The following ENTREP2 variants were observed in gnomAD, a reference collection of about 807,000 sequenced individuals.
The protein encoded by ENTREP2 is endosomal transmembrane epsin interactor 2.
chr15:29,269,220 C>T, the ENTREP2 span: 5 of 1,614,148 alleles, frequency 3.1e-6, no homozygotes, highest in Non-Finnish European at 4.2e-6. Flanking sequence ...CGGCATCCTC[C>T]TCCACAGGCT....
chr15:29,134,360 A>C, the ENTREP2 span, among the ~76,000 whole-genome samples: 1 of 152,100 alleles, frequency 6.6e-6, no homozygotes, highest in African/African-American at 2.4e-5. Flanking sequence ...ACCCACAGTA[A>C]AAAGGGGGTC....
the ENTREP2 span, among the ~76,000 whole-genome samples, chr15:29,627,686 G>C: frequency 6.6e-6 from 1 of 151,650 alleles, no homozygotes; most frequent in Non-Finnish European, 1.5e-5. Context: ...CTATTCTACT[G>C]TCTGTCTATA....
chr15:29,151,836 G>A, the ENTREP2 span: 1 of 1,550,846 alleles, frequency 6.4e-7, no homozygotes, highest in East Asian at 2.4e-5. Flanking sequence ...CGCTGAAGAG[G>A]AGATCCTGCG....
chr15:29,195,358 G>A, the ENTREP2 span: 1 of 981,750 alleles, frequency 1.0e-6, no homozygotes. Flanking sequence ...AAGCACTCAA[G>A]GTCAACGCTT....
chr15:29,528,339 CAA>C, the ENTREP2 span, among the ~76,000 whole-genome samples: 12 of 109,060 alleles, frequency 1.1e-4, no homozygotes, highest in Admixed American at 1.9e-4. Context: ...AAAGGCTGAC[CAA>C]AAAAAAAAAA....
chr15:29,416,660 A>G, the ENTREP2 span, among the ~76,000 whole-genome samples: 1 of 152,096 alleles, frequency 6.6e-6, no homozygotes, highest in South Asian at 2.1e-4. Flanking sequence ...ATCTAATTAA[A>G]CTAAAGAGCT....
chr15:29,296,609 A>ACAT, the ENTREP2 span, among the ~76,000 whole-genome samples: 1 of 152,220 alleles, frequency 6.6e-6, no homozygotes, highest in Non-Finnish European at 1.5e-5. Flanking sequence ...ATTAAACATT[A>ACAT]CATATATTGA....
the ENTREP2 span, among the ~76,000 whole-genome samples, chr15:29,248,173 T>C: frequency 2.0e-5 from 3 of 152,150 alleles, no homozygotes; most frequent in African/African-American, 4.8e-5. Context: ...GGTAAACTAC[T>C]AAACTGTTTA....
the ENTREP2 span, chr15:29,570,558 G>C: frequency 6.8e-7 from 1 of 1,470,310 alleles, no homozygotes; most frequent in Non-Finnish European, 9.0e-7. Context: ...GAGGTGGTGA[G>C]CGCCAGCGCG....
At chr15:29,153,780 A>G in the ENTREP2 span, among the ~76,000 whole-genome samples, 469 of 152,334 alleles carry the variant, frequency 3.1e-3, 1 homozygote, top group African/African-American at 0.011. Flanking sequence ...GAAAGTTTTT[A>G]TAGTTTCATA....
chr15:29,269,003 A>G, the ENTREP2 span: 1 of 1,614,140 alleles, frequency 6.2e-7, no homozygotes, highest in Non-Finnish European at 8.5e-7. Flanking sequence ...ATCCGCCGGT[A>G]TTCCAGGTAA....
At chr15:29,335,799 T>C in the ENTREP2 span, among the ~76,000 whole-genome samples, 1 of 152,212 alleles carries the variant, frequency 6.6e-6, no homozygotes, top group Non-Finnish European at 1.5e-5. Context: ...CTGTTGGTTG[T>C]CTGTACAGAC....
the ENTREP2 span, among the ~76,000 whole-genome samples, chr15:29,176,570 G>A: frequency 1.1e-4 from 16 of 152,178 alleles, no homozygotes. Flanking sequence ...AGGACCCTTT[G>A]CCAGAGAAGC....
At chr15:29,538,822 C>A in the ENTREP2 span, among the ~76,000 whole-genome samples, 10 of 148,432 alleles carry the variant, frequency 6.7e-5, no homozygotes, top group African/African-American at 2.5e-4. Flanking sequence ...AAAAAAAAAT[C>A]TTTCTGGAGT....
the ENTREP2 span, among the ~76,000 whole-genome samples, chr15:29,510,977 G>C: frequency 2.1e-4 from 32 of 152,106 alleles, no homozygotes; most frequent in African/African-American, 7.0e-4. Context: ...ACTCATAAGT[G>C]GGAGGTGAAC....
At chr15:29,505,185 T>C in the ENTREP2 span, among the ~76,000 whole-genome samples, 1 of 152,250 alleles carries the variant, frequency 6.6e-6, no homozygotes, top group Non-Finnish European at 1.5e-5. This position sits in a 1 kb window ranked among gnomAD's most constrained non-coding sequence, Gnocchi z 4.3. Flanking sequence ...AAAGCCACTG[T>C]AGCCAGACTG....
At chr15:29,641,570 G>C in the ENTREP2 span, among the ~76,000 whole-genome samples, 1 of 151,988 alleles carries the variant, frequency 6.6e-6, no homozygotes, top group Non-Finnish European at 1.5e-5. Flanking sequence ...GGTGGCTCAC[G>C]CCTGTAATCC....
chr15:29,339,764 T>C, the ENTREP2 span, among the ~76,000 whole-genome samples: 1 of 152,208 alleles, frequency 6.6e-6, no homozygotes, highest in African/African-American at 2.4e-5. Context: ...CACTCTAAAG[T>C]CACTCATTAA....
At chr15:29,615,399 G>A in the ENTREP2 span, among the ~76,000 whole-genome samples, 9 of 151,986 alleles carry the variant, frequency 5.9e-5, no homozygotes, top group East Asian at 3.9e-4. Context: ...CAGGTGATCC[G>A]CCCACCTCTG....
Sources: allele counts gnomAD v4.1 joint callset (sites outside exome capture counted in the v4.1 genomes callset), GRCh38; gene constraint gnomAD v4.1.1; non-coding constraint Gnocchi (gnomAD v3.1); transcripts MANE v1.5; gene names NCBI Gene and HGNC (gene_info 2026-07-23, HGNC 2026-07-21).